The following ESRRG variants were observed in gnomAD, a reference collection of about 807,000 sequenced individuals.
The protein encoded by ESRRG is estrogen-related receptor gamma.
In ESRRG, 13 loss-of-function variants were observed where a neutral mutation model predicts 44.0. The ratio of observed to expected loss-of-function variants is 0.30; its 90% CI spans 0.19 to 0.47. ESRRG has a LOEUF of 0.47. Ranked by LOEUF, ESRRG falls within the 20% of genes least tolerant of loss-of-function variation. The pLI is 1.00. For synonymous variants in ESRRG, 215 were observed against 214.6 expected (o/e 1.00, Z -0.02); for missense variants, 395 against 580.6 (o/e 0.68, Z 3.29).
intron 5 of ESRRG, among the ~76,000 whole-genome samples, chr1:216,540,563 A>G (rs2052397534): frequency 6.6e-6 from 1 of 152,008 alleles, no homozygotes; most frequent in Non-Finnish European, 1.5e-5. Flanking sequence ...TTTCATTTCT[A>G]AATTCAATTT....
chr1:216,741,760 T>C (rs2090766398), intron 2 of ESRRG, among the ~76,000 whole-genome samples: 1 of 152,184 alleles, frequency 6.6e-6, no homozygotes, highest in African/African-American at 2.4e-5. Context: ...CTTACTATTA[T>C]GAAACAGATG....
intron 1 of ESRRG, among the ~76,000 whole-genome samples, chr1:216,951,993 G>A (rs894616344): frequency 6.6e-6 from 1 of 151,250 alleles, no homozygotes; most frequent in Admixed American, 6.6e-5. Context: ...TAATGTTTTG[G>A]CCACTTCTTA....
At chr1:216,698,118 T>TC (rs1162450399) in intron 1 of ESRRG, among the ~76,000 whole-genome samples, 1 of 152,094 alleles carries the variant, frequency 6.6e-6, no homozygotes, top group Non-Finnish European at 1.5e-5. Context: ...TATCCAATGC[T>TC]CAGTAGGAAT....
chr1:216,677,032 G>C (rs2076226221), intron 2 of ESRRG, 44 bp downstream of exon 2: 1 of 1,471,346 alleles, frequency 6.8e-7, no homozygotes, highest in African/African-American at 1.4e-5. Flanking sequence ...AACCCATCAT[G>C]TGAGGTTGGA....
chr1:217,030,744 C>T (rs1291101557), intron 1 of ESRRG, among the ~76,000 whole-genome samples: 1 of 152,212 alleles, frequency 6.6e-6, no homozygotes, highest in African/African-American at 2.4e-5. Flanking sequence ...TGGCCACTGG[C>T]CACATGCAGT....
intron 2 of ESRRG, among the ~76,000 whole-genome samples, chr1:216,915,984 T>C (rs1223870550): frequency 1.3e-5 from 2 of 152,180 alleles, no homozygotes; most frequent in African/African-American, 4.8e-5. Flanking sequence ...TCTTCCTTTA[T>C]ATCGTACTTT....
intron 5 of ESRRG, among the ~76,000 whole-genome samples, chr1:216,526,817 G>A (rs904250680): frequency 3.3e-5 from 5 of 152,148 alleles, no homozygotes; most frequent in African/African-American, 7.2e-5. Context: ...TGGACTGGGA[G>A]TAAATAGACC....
At chr1:216,664,808 G>A (rs774844455) in intron 2 of ESRRG, among the ~76,000 whole-genome samples, 1 of 152,010 alleles carries the variant, frequency 6.6e-6, no homozygotes, top group Non-Finnish European at 1.5e-5. Context: ...AAAACAGTAC[G>A]GGAGTTCTTC....
intron 3 of ESRRG, among the ~76,000 whole-genome samples, chr1:216,600,460 T>G (rs575812679): frequency 1.1e-3 from 174 of 152,278 alleles, no homozygotes; most frequent in African/African-American, 4.0e-3. Context: ...CAGGGGATAT[T>G]AACTCTGTAC....
intron 5 of ESRRG, among the ~76,000 whole-genome samples, chr1:216,519,813 G>GAAAAAAAAAAAA (rs2045524107): frequency 2.1e-5 from 1 of 47,730 alleles, no homozygotes; most frequent in Non-Finnish European, 3.6e-5. Flanking sequence ...CAACATAAAA[G>GAAAAAAAAAAAA]TAAAAAAAAA....
chr1:216,676,751 CTG>C (rs2076178896), intron 2 of ESRRG, among the ~76,000 whole-genome samples: 1 of 152,168 alleles, frequency 6.6e-6, no homozygotes, highest in Admixed American at 6.5e-5. Flanking sequence ...GTCAAAAACA[CTG>C]TTAGTCCAAT....
At chr1:217,076,933 C>A (rs2091351765) in intron 1 of ESRRG, 1 of 152,060 alleles carries the variant, frequency 6.6e-6, no homozygotes, top group African/African-American at 2.4e-5. Context: ...GTGGGACCTG[C>A]CAAGTTTGTG....
intron 2 of ESRRG, among the ~76,000 whole-genome samples, chr1:216,665,050 T>C (rs1391590274): frequency 1.3e-5 from 2 of 152,188 alleles, no homozygotes; most frequent in African/African-American, 4.8e-5. Context: ...TCCTCTCTTA[T>C]TTGCGATTTC....
chr1:216,727,003 G>A (rs2087663542), upstream of ESRRG, among the ~76,000 whole-genome samples: 1 of 152,160 alleles, frequency 6.6e-6, no homozygotes, highest in African/African-American at 2.4e-5. Flanking sequence ...AAGGTGATGA[G>A]AAATGCTTAG....
At chr1:216,854,478 A>G (rs531646872) in intron 2 of ESRRG, among the ~76,000 whole-genome samples, 228 of 152,054 alleles carry the variant, frequency 1.5e-3, no homozygotes, top group African/African-American at 5.4e-3. Context: ...ACACGCCTTG[A>G]AGCATCTAAC....
chr1:216,649,157 C>A (rs538447855), intron 3 of ESRRG, among the ~76,000 whole-genome samples: 3 of 152,168 alleles, frequency 2.0e-5, no homozygotes, highest in East Asian at 1.9e-4. Context: ...GTCCTTCTGG[C>A]AATTTCACAT....
intron 1 of ESRRG, among the ~76,000 whole-genome samples, chr1:216,979,013 TAGAG>T (rs941415466): frequency 1.3e-5 from 2 of 152,100 alleles, no homozygotes; most frequent in African/African-American, 4.8e-5. Flanking sequence ...TATCCAGCCT[TAGAG>T]AGGAGAAGTT....
chr1:216,841,264 C>G (rs1194723154), intron 2 of ESRRG, among the ~76,000 whole-genome samples: 1 of 151,990 alleles, frequency 6.6e-6, no homozygotes, highest in African/African-American at 2.4e-5. Flanking sequence ...AACACGCACA[C>G]TCAGGGTAGA....
chr1:216,536,154 T>A (rs1435337561), intron 5 of ESRRG, among the ~76,000 whole-genome samples: 1 of 152,120 alleles, frequency 6.6e-6, no homozygotes, highest in African/African-American at 2.4e-5. Flanking sequence ...TAATTCTGTG[T>A]TCACTTCTTC....
Sources: allele counts gnomAD v4.1 joint callset (sites outside exome capture counted in the v4.1 genomes callset), GRCh38; gene constraint gnomAD v4.1.1; transcripts MANE v1.5; gene names NCBI Gene and HGNC (gene_info 2026-07-23, HGNC 2026-07-21).